ZMAT4: variants seen among roughly 807,000 people sequenced by gnomAD.
The protein encoded by ZMAT4 is zinc finger matrin-type 4.
ZMAT4 carries 17 observed loss-of-function variants against 28.7 expected under a neutral mutation model. The ratio of observed to expected loss-of-function variants is 0.59; its 90% CI spans 0.41 to 0.89. ZMAT4 has a LOEUF of 0.89. ZMAT4 is among the 40% of genes least tolerant of loss of function. The pLI, the probability that ZMAT4 is intolerant of heterozygous loss-of-function variation, is 0.00. For synonymous variants in ZMAT4, 117 were observed against 109.2 expected, an observed-to-expected ratio of 1.07 and a Z score of -0.44; for missense variants, 240 against 283.8, an observed-to-expected ratio of 0.85 and a Z score of 1.11.
At chr8:40,672,159 G>T (rs573817253) in intron 5 of ZMAT4, among the ~76,000 whole-genome samples, 1 of 152,288 alleles carries the variant, frequency 6.6e-6, no homozygotes, top group South Asian at 2.1e-4. Context: ...GAGAGAAAGA[G>T]AAAAAGCCTA....
At chr8:40,813,949 C>G (rs1029860087) in intron 2 of ZMAT4, among the ~76,000 whole-genome samples, 1 of 152,126 alleles carries the variant, frequency 6.6e-6, no homozygotes, top group African/African-American at 2.4e-5. Context: ...CTCTAAAAGC[C>G]TTTCCTGCAA....
Position 40,881,439 on chromosome 8 carries a change from GAAAGAAAGAAAGAA to G in ZMAT4, c.-5+16230_-5+16243del, listed in dbSNP as rs1563263301. On this transcript the variant is annotated intron_variant, in intron 1 of 6. Transcript: ENST00000297737. ...GGAAGAAAAAGAAGAAAGAGAGAAA[GAAAGAAAGAAAGAA>G]AGAAAGAAAGAAAGAAAGAAAGAAA... Among the ~76,000 whole-genome samples the G allele has an allele frequency of 8.0e-3, 633 of 79,562 alleles. 13 individuals are homozygous for G. The highest frequency in any genetic ancestry group is 0.022 in the African/African-American group (509 of 22,710). 52.2% of individuals were successfully genotyped at this position (79,562 alleles called of 152,430 possible). A position where few individuals can be genotyped will look rare whatever the true frequency, so the allele number is the denominator to read the frequency against.
chr8:40,621,491 G>C (rs919520191), intron 5 of ZMAT4, among the ~76,000 whole-genome samples: 2 of 152,190 alleles, frequency 1.3e-5, no homozygotes, highest in African/African-American at 4.8e-5. Flanking sequence ...TTCTGAAATT[G>C]GAACAGATAA....
At chr8:40,711,139 C>T (rs192623897) in intron 3 of ZMAT4, among the ~76,000 whole-genome samples, 71 of 152,210 alleles carry the variant, frequency 4.7e-4, no homozygotes, top group African/African-American at 1.6e-3. Context: ...TCCTAAAAAC[C>T]TGTTTGTTCA....
intron 5 of ZMAT4, among the ~76,000 whole-genome samples, chr8:40,617,964 A>T (rs1348785479): frequency 6.6e-6 from 1 of 152,238 alleles, no homozygotes; most frequent in African/African-American, 2.4e-5. Flanking sequence ...TAAAATAAAT[A>T]AGGCACACAG....
In ZMAT4 at chr8:40,738,801, A is replaced by G. The variant is rs537813553; in HGVS notation, c.192+28840T>C. Reference sequence around the variant, plus strand: ...TGGCACAAGCGTCTAGGTGCTTTCCAGGACCTATAAAACAGACTTTAAAAA... The same window carrying G: ...TGGCACAAGCGTCTAGGTGCTTTCCGGGACCTATAAAACAGACTTTAAAAA... On this transcript the variant is annotated intron_variant, in intron 3 of 6. Transcript: ENST00000297737. Among the ~76,000 whole-genome samples, 335 of 152,330 alleles carry G rather than the reference A, an allele frequency of 2.2e-3. 2 individuals carry two copies. The highest frequency in any genetic ancestry group is 7.8e-3 in the African/African-American group (326 of 41,588).
chr8:40,604,191 C>G lies in ZMAT4; in HGVS notation c.578-22930G>C, dbSNP rs796208186. On this transcript the variant is annotated intron_variant, in intron 5 of 6. Transcript: ENST00000297737. ...CAGTGACAGTTTGACTTCCTCTTTA[C>G]TAATTTGGTTGCCCTTTATTTCTTT... Among the ~76,000 whole-genome samples, 7 of 152,200 alleles carry G rather than the reference C, an allele frequency of 4.6e-5. 1 individual carries two copies. Among genetic ancestry groups the G allele is most frequent in the African/African-American group, 1.7e-4 (7 of 41,534 alleles).
chr8:40,750,463 G>A (rs1812412362), intron 3 of ZMAT4, among the ~76,000 whole-genome samples: 1 of 152,186 alleles, frequency 6.6e-6, no homozygotes, highest in African/African-American at 2.4e-5. Flanking sequence ...AAAGAGGCGA[G>A]ATCCTCCCAG....
intron 1 of ZMAT4, among the ~76,000 whole-genome samples, chr8:40,837,179 T>C (rs1447517421): frequency 6.6e-6 from 1 of 152,226 alleles, no homozygotes; most frequent in Admixed American, 6.5e-5. Context: ...TTCTGGCTGA[T>C]GAAATGTGCA....
At chr8:40,591,195 G>A (rs10504031) in intron 5 of ZMAT4, among the ~76,000 whole-genome samples, 34,949 of 152,094 alleles carry the variant, frequency 0.23, 4,751 homozygotes, top group Middle Eastern at 0.34. Context: ...GTCTAAAACC[G>A]CAGGGATGGT....
At chr8:40,632,486 ATTAAAGTAGGG>A (rs1173307377) in intron 5 of ZMAT4, among the ~76,000 whole-genome samples, 2 of 152,130 alleles carry the variant, frequency 1.3e-5, no homozygotes, top group Non-Finnish European at 2.9e-5. Flanking sequence ...CTCAGATGTA[ATTAAAGTAGGG>A]ATCTTGAGGT....
intron 3 of ZMAT4, among the ~76,000 whole-genome samples, chr8:40,724,710 G>A (rs1811250946): frequency 1.3e-5 from 2 of 152,308 alleles, no homozygotes; most frequent in South Asian, 2.1e-4. Context: ...GAGCACTGGG[G>A]CCTTCACAGA....
At chr8:40,684,512 A>T (rs1036815283) in intron 4 of ZMAT4, among the ~76,000 whole-genome samples, 1 of 152,190 alleles carries the variant, frequency 6.6e-6, no homozygotes, top group African/African-American at 2.4e-5. Context: ...GTGCACTGAC[A>T]CCTGGGAACT....
chr8:40,664,929 A>G (rs948317034), intron 5 of ZMAT4, among the ~76,000 whole-genome samples: 2 of 152,250 alleles, frequency 1.3e-5, no homozygotes, highest in Admixed American at 6.5e-5. Flanking sequence ...CCACATTGAC[A>G]TGACTAAGAT....
At chr8:40,580,282 G>A (rs1407583208) in intron 6 of ZMAT4, among the ~76,000 whole-genome samples, 1 of 152,014 alleles carries the variant, frequency 6.6e-6, no homozygotes, top group Non-Finnish European at 1.5e-5. Context: ...AAAATGCTGG[G>A]ACTACAGGCA....
chr8:40,772,124 A>G (rs1813412479), intron 2 of ZMAT4, among the ~76,000 whole-genome samples: 1 of 152,214 alleles, frequency 6.6e-6, no homozygotes, highest in Non-Finnish European at 1.5e-5. Flanking sequence ...TTGCATTAAT[A>G]TTTGCATTTT....
intron 6 of ZMAT4, among the ~76,000 whole-genome samples, chr8:40,564,707 T>G (rs1326703398): frequency 6.6e-6 from 1 of 152,196 alleles, no homozygotes; most frequent in South Asian, 2.1e-4. Context: ...ATTAGTAGAG[T>G]ACATTTTGGA....
intron 1 of ZMAT4, among the ~76,000 whole-genome samples, chr8:40,846,021 A>G (rs1816882817): frequency 6.6e-6 from 1 of 152,138 alleles, no homozygotes. Context: ...AACTCCAGAG[A>G]GAGCATCTCT....
At chr8:40,549,892 C>T (rs1411007376) in intron 6 of ZMAT4, among the ~76,000 whole-genome samples, 1 of 152,132 alleles carries the variant, frequency 6.6e-6, no homozygotes, top group African/African-American at 2.4e-5. Context: ...GACATTATTT[C>T]TCAATATTCT....
Sources: allele counts gnomAD v4.1 joint callset (sites outside exome capture counted in the v4.1 genomes callset), GRCh38; gene constraint gnomAD v4.1.1; transcripts MANE v1.5; gene names NCBI Gene and HGNC (gene_info 2026-07-23, HGNC 2026-07-21).